PTPA: variants seen among roughly 807,000 people sequenced by gnomAD.
The protein encoded by PTPA is serine/threonine-protein phosphatase 2A activator.
In PTPA, 13 loss-of-function variants were observed where a neutral mutation model predicts 43.6. That is an observed-to-expected ratio of 0.30 (90% CI 0.19 to 0.47). PTPA has a LOEUF of 0.47. Among genes scored for constraint, PTPA ranks in the 20% least tolerant of loss-of-function variants. The pLI, the probability that PTPA is intolerant of heterozygous loss-of-function variation, is 0.99. For synonymous variants in PTPA, 172 were observed against 158.2 expected (o/e 1.09, Z -0.66); for missense variants, 329 against 411.9 (o/e 0.80, Z 1.74).
Position 129,137,625 on chromosome 9 carries a change from A to G in PTPA, c.719A>G (p.Asp240Gly). ...TACCTGGAGCCCAGACACTTTGTGG[A>G]TGAGAAGGCCGTGAATGAGAACCAC... ...HPYLEPRHFV[D>G]EKAVNENHKD... The change falls in exon 8 of 10, where the codon GAT becomes GGT. Residue 240 changes from aspartate to glycine, a missense_variant. Asp to Gly is a moderately conservative substitution (Grantham distance 94). Coordinates refer to ENST00000393370, the MANE Select transcript of PTPA (RefSeq NM_178000.3). 1 of 1,613,052 alleles carries G rather than the reference A, an allele frequency of 6.2e-7. No homozygotes were observed. The highest frequency in any genetic ancestry group is 8.5e-7 in the Non-Finnish European group (1 of 1,179,574).
intron 1 of PTPA, among the ~76,000 whole-genome samples, chr9:129,115,985 C>T (rs1334402464): frequency 2.0e-5 from 3 of 152,046 alleles, no homozygotes; most frequent in Non-Finnish European, 4.4e-5. Context: ...CTCAGCTTCG[C>T]GAGTAGCTGG....
intron 9 of PTPA, 148 bp downstream of exon 9, chr9:129,142,700 G>C (rs1423260817): frequency 6.5e-7 from 1 of 1,542,918 alleles, no homozygotes; most frequent in East Asian, 2.4e-5. Flanking sequence ...TCTGACACTT[G>C]GGGCCTCGGA....
chr9:129,128,034 C>T lies in PTPA; in HGVS notation c.217-951C>T, dbSNP rs370593735. On this transcript the variant is annotated intron_variant, in intron 3 of 9. Coordinates refer to ENST00000393370, the MANE Select transcript of PTPA (RefSeq NM_178000.3). ...AGTGTGTCCTGCGATGAATGCATAC[C>T]ATTACCCCGCGCCGGGCACTGTGCA... 3.0e-6 allele frequency: 4 copies of T among 1,345,000 alleles called. No individual in the cohort carries two copies. Among genetic ancestry groups the T allele is most frequent in the Non-Finnish European group, 3.0e-6 (3 of 1,010,732 alleles). 83.3% of individuals were successfully genotyped at this position (1,345,000 alleles called of 1,614,324 possible).
chr9:129,128,198 C>A, intron 3 of PTPA: 2 of 458,432 alleles, frequency 4.4e-6, no homozygotes, highest in South Asian at 3.6e-5. Flanking sequence ...CATGCTAAAC[C>A]ATGTAAAACA....
At chr9:129,131,793 T>C (rs991577684) in intron 5 of PTPA, among the ~76,000 whole-genome samples, 154 bp downstream of exon 5, 1 of 152,172 alleles carries the variant, frequency 6.6e-6, no homozygotes, top group African/African-American at 2.4e-5. Context: ...TAGGGTGGCT[T>C]CACCGGCAGG....
At chr9:129,114,497 C>T (rs1848742750) in intron 1 of PTPA, among the ~76,000 whole-genome samples, 1 of 152,066 alleles carries the variant, frequency 6.6e-6, no homozygotes, top group Admixed American at 6.6e-5. Context: ...GGCTACTATA[C>T]TTTCTTCATA....
At chr9:129,131,100 CAG>C (rs10556197) in intron 4 of PTPA, among the ~76,000 whole-genome samples, 90,094 of 151,936 alleles carry the variant, frequency 0.59, 28,654 homozygotes, top group Non-Finnish European at 0.7. Flanking sequence ...CTACTCTAAA[CAG>C]TGCTGTTGTG....
At chr9:129,147,345 G>C (rs78500694) in intron 9 of PTPA, 42 bp from the exon 10 acceptor site, 1 of 1,594,924 alleles carries the variant, frequency 6.3e-7, no homozygotes, top group East Asian at 2.2e-5. Context: ...CAGGGGTGTG[G>C]TGTGGCCCTC....
intron 8 of PTPA, chr9:129,140,239 GTTCT>G (rs1025554034): frequency 2.0e-5 from 3 of 152,634 alleles, no homozygotes; most frequent in African/African-American, 7.2e-5. Flanking sequence ...GCTCATTCTG[GTTCT>G]TTCTCTTCTC....
chr9:129,123,870 A>T (rs1037458350), intron 3 of PTPA, among the ~76,000 whole-genome samples: 1 of 151,800 alleles, frequency 6.6e-6, no homozygotes, highest in Admixed American at 6.6e-5. Flanking sequence ...TTTAGTAGAG[A>T]CGGGGTTTCT....
intron 5 of PTPA, among the ~76,000 whole-genome samples, chr9:129,132,846 G>A (rs1850073260): frequency 6.6e-6 from 1 of 152,134 alleles, no homozygotes; most frequent in Non-Finnish European, 1.5e-5. Flanking sequence ...TGTTGCCTGG[G>A]CTGGTCTTGA....
chr9:129,115,784 TG>T (rs1464172336), intron 1 of PTPA, among the ~76,000 whole-genome samples: 17 of 147,598 alleles, frequency 1.2e-4, no homozygotes, highest in African/African-American at 4.3e-4. Context: ...GGATTACAGG[TG>T]CCCACCACCA....
At chr9:129,146,339 CTT>C (rs1179243555) in intron 9 of PTPA, among the ~76,000 whole-genome samples, 1 of 152,192 alleles carries the variant, frequency 6.6e-6, no homozygotes, top group Non-Finnish European at 1.5e-5. Context: ...CCTGGCGCCT[CTT>C]TGGCCCACTC....
At chr9:129,140,706 A>C (rs1198146277) in intron 8 of PTPA, among the ~76,000 whole-genome samples, 2 of 151,356 alleles carry the variant, frequency 1.3e-5, no homozygotes, top group East Asian at 3.9e-4. Context: ...CAGAGAGTGA[A>C]ACTGGTTACA....
At position 129,129,024 on chromosome 9, in the gene PTPA, A is replaced by G; in HGVS notation, c.256A>G (p.Arg86Gly). 1 of 1,613,084 alleles carries G rather than the reference A, an allele frequency of 6.2e-7. No homozygotes were observed. The highest frequency in any genetic ancestry group is 8.5e-7 in the Non-Finnish European group (1 of 1,179,986). ...AGTCGCTCTTCTCAACACGCTGGAC[A>G]GGTGGATTGATGAGACTCCTCCAGT... ...KLVALLNTLD[R>G]WIDETPPVDQ... is the part of the protein sequence containing the mutation. The change falls in exon 4 of 10, where the codon AGG becomes GGG. Residue 86 changes from arginine to glycine, a missense_variant. Transcript: ENST00000393370.
intron 1 of PTPA, among the ~76,000 whole-genome samples, chr9:129,118,004 A>G (rs1435392899): frequency 6.6e-6 from 1 of 150,626 alleles, no homozygotes; most frequent in Non-Finnish European, 1.5e-5. Context: ...GGACCTGGGC[A>G]TATCATTATT....
intron 8 of PTPA, chr9:129,142,084 T>TGGA (rs1850896333): frequency 1.5e-5 from 3 of 199,552 alleles, no homozygotes; most frequent in East Asian, 2.3e-4. Flanking sequence ...GAAGCTCAGG[T>TGGA]GGAGATCTTA....
chr9:129,137,858 G>T (rs1216869961), intron 8 of PTPA, 166 bp downstream of exon 8: 2 of 687,690 alleles, frequency 2.9e-6, no homozygotes, highest in Non-Finnish European at 5.3e-6. Flanking sequence ...TCTTCCGAAA[G>T]AGCCGCTGCT....
At chr9:129,115,202 A>C (rs534209968) in intron 1 of PTPA, among the ~76,000 whole-genome samples, 171 of 152,328 alleles carry the variant, frequency 1.1e-3, no homozygotes, top group African/African-American at 4.0e-3. Flanking sequence ...TTCCCATAAA[A>C]GCAATGTGGT....
Sources: gnomAD v4.1 joint callset for allele counts (sites outside exome capture counted in the v4.1 genomes callset) on GRCh38, gnomAD v4.1.1 for gene constraint, MANE v1.5 for transcripts, NCBI Gene and HGNC (gene_info 2026-07-23, HGNC 2026-07-21) for gene names.